MAGI2: variants seen among roughly 807,000 people sequenced by gnomAD.
MAGI2 encodes the protein membrane-associated guanylate kinase, WW and PDZ domain-containing protein 2.
A neutral mutation model predicts 133.3 loss-of-function variants in MAGI2; 35 were observed. The observed-to-expected ratio is 0.26, with a 90% CI of 0.20 to 0.35. The LOEUF is 0.35. MAGI2 is among the 10% of genes least tolerant of loss of function. The pLI is 1.00. For missense variants in MAGI2, 1,636 were observed against 1,863.4 expected, an observed-to-expected ratio of 0.88 and a Z score of 2.25; for synonymous variants, 729 against 710.6, an observed-to-expected ratio of 1.03 and a Z score of -0.41.
chr7:78,361,969 C>T (rs1389637194), intron 7 of MAGI2, among the ~76,000 whole-genome samples: 1 of 152,036 alleles, frequency 6.6e-6, no homozygotes, highest in Admixed American at 6.6e-5. Context: ...AGAGACTGGA[C>T]GGGAGACTTC....
At chr7:78,479,384 C>T (rs1792122068) in intron 6 of MAGI2, among the ~76,000 whole-genome samples, 1 of 151,830 alleles carries the variant, frequency 6.6e-6, no homozygotes, top group African/African-American at 2.4e-5. Flanking sequence ...ATCATGTGGG[C>T]AGAGATAAGA....
At chr7:78,132,824 C>T (rs1362372983) in intron 18 of MAGI2, 65 bp downstream of exon 18, 2 of 1,611,870 alleles carry the variant, frequency 1.2e-6, no homozygotes, top group Non-Finnish European at 1.7e-6. Context: ...GTGCTGTCCC[C>T]AAATACTCCC....
intron 6 of MAGI2, among the ~76,000 whole-genome samples, chr7:78,372,689 G>C (rs1433934275): frequency 6.6e-6 from 1 of 152,124 alleles, no homozygotes; most frequent in African/African-American, 2.4e-5. Context: ...AAAAAGTCTA[G>C]ATTAATTTGT....
intron 3 of MAGI2, among the ~76,000 whole-genome samples, chr7:78,575,432 A>G (rs568975491): frequency 1.3e-5 from 2 of 152,300 alleles, no homozygotes; most frequent in African/African-American, 4.8e-5. Context: ...TAATGTATAT[A>G]GATATCAAGG....
intron 5 of MAGI2, 116 bp from the exon 6 acceptor site, chr7:78,489,956 G>C (rs1163417144): frequency 8.3e-6 from 6 of 721,906 alleles, no homozygotes; most frequent in Admixed American, 2.5e-5. Flanking sequence ...CACTTAATTT[G>C]CTTACTGGTT....
intron 14 of MAGI2, 53 bp downstream of exon 14, chr7:78,177,958 G>T: frequency 1.6e-6 from 2 of 1,245,722 alleles, no homozygotes; most frequent in South Asian, 1.2e-5. Context: ...TTTCCCTGGT[G>T]TTTACTCATA....
intron 1 of MAGI2, among the ~76,000 whole-genome samples, chr7:79,306,259 A>ATT: frequency 6.8e-6 from 1 of 146,518 alleles, no homozygotes; most frequent in East Asian, 2.0e-4. Context: ...TTTTATTTAT[A>ATT]TTTATATATA....
intron 2 of MAGI2, among the ~76,000 whole-genome samples, chr7:78,925,067 G>A (rs570297671): frequency 6.6e-6 from 1 of 151,896 alleles, no homozygotes; most frequent in East Asian, 1.9e-4. Context: ...AGTGGCCAGG[G>A]GTCAAGTCTC....
chr7:78,031,313 C>T (rs778504982), intron 21 of MAGI2, among the ~76,000 whole-genome samples: 4 of 152,066 alleles, frequency 2.6e-5, no homozygotes, highest in Admixed American at 6.6e-5. Flanking sequence ...ATTTTTGAAA[C>T]TCATAGAATT....
intron 3 of MAGI2, among the ~76,000 whole-genome samples, chr7:78,546,610 C>G (rs762107656): frequency 6.6e-6 from 1 of 151,972 alleles, no homozygotes; most frequent in Non-Finnish European, 1.5e-5. Flanking sequence ...CAGCTGTGTC[C>G]CCCTGTGTCC....
At chr7:79,148,342 T>C (rs2129546747) in intron 1 of MAGI2, among the ~76,000 whole-genome samples, 1 of 152,240 alleles carries the variant, frequency 6.6e-6, no homozygotes, top group East Asian at 1.9e-4. Context: ...TTGAGTGATG[T>C]TGGGTAGAAA....
intron 2 of MAGI2, among the ~76,000 whole-genome samples, chr7:78,957,358 C>T (rs1802477289): frequency 6.6e-6 from 1 of 150,502 alleles, no homozygotes; most frequent in South Asian, 2.1e-4. Context: ...TATTTCATTG[C>T]ATACATGTTT....
intron 1 of MAGI2, among the ~76,000 whole-genome samples, chr7:79,268,630 A>G (rs1436355610): frequency 2.6e-5 from 4 of 152,204 alleles, no homozygotes. Context: ...ACTGAAGTAT[A>G]CTAGAGATAT....
At chr7:79,438,850 T>A (rs562384348) in intron 1 of MAGI2, among the ~76,000 whole-genome samples, 1 of 152,114 alleles carries the variant, frequency 6.6e-6, no homozygotes, top group East Asian at 1.9e-4. Flanking sequence ...TCCCATGAAA[T>A]AAAACAAAAA....
chr7:78,744,227 C>T (rs1382842863), intron 2 of MAGI2, among the ~76,000 whole-genome samples: 9 of 151,978 alleles, frequency 5.9e-5, no homozygotes, highest in East Asian at 1.9e-4. Flanking sequence ...ATTTTTTCCA[C>T]GCTAATTTTA....
intron 1 of MAGI2, among the ~76,000 whole-genome samples, chr7:79,326,028 G>A (rs994024565): frequency 5.9e-5 from 9 of 152,104 alleles, no homozygotes; most frequent in East Asian, 5.8e-4. Context: ...AATAAGCACC[G>A]AATAAGAAAT....
intron 2 of MAGI2, among the ~76,000 whole-genome samples, chr7:78,973,979 C>T (rs1301312232): frequency 6.6e-6 from 1 of 151,798 alleles, no homozygotes; most frequent in Non-Finnish European, 1.5e-5. Flanking sequence ...ATGCTAACTA[C>T]ATCAAGCCCT....
chr7:78,133,612 CT>C (rs1821792130), intron 17 of MAGI2, among the ~76,000 whole-genome samples: 1 of 152,198 alleles, frequency 6.6e-6, no homozygotes, highest in African/African-American at 2.4e-5. Context: ...CAAAACTATT[CT>C]ATTAAATAAT....
At chr7:78,920,555 TAATG>T (rs1799144295) in intron 2 of MAGI2, among the ~76,000 whole-genome samples, 1 of 152,132 alleles carries the variant, frequency 6.6e-6, no homozygotes, top group Admixed American at 6.6e-5. Flanking sequence ...AATAAAAACT[TAATG>T]AATTAACTGA....
Sources: gnomAD v4.1 joint callset for allele counts (sites outside exome capture counted in the v4.1 genomes callset) on GRCh38, gnomAD v4.1.1 for gene constraint, MANE v1.5 for transcripts, NCBI Gene and HGNC (gene_info 2026-07-23, HGNC 2026-07-21) for gene names.